The following NECTIN3 variants were observed in gnomAD, a reference collection of about 807,000 sequenced individuals.
NECTIN3 encodes the protein nectin cell adhesion molecule 3.
In NECTIN3, 8 loss-of-function variants were observed where a neutral mutation model predicts 49.4. That is an observed-to-expected ratio of 0.16 (90% CI 0.10 to 0.29). NECTIN3 has a LOEUF of 0.29. Among genes scored for constraint, NECTIN3 ranks in the 10% least tolerant of loss-of-function variants. The pLI is 1.00. For synonymous variants in NECTIN3, 277 were observed against 241.1 expected (o/e 1.15, Z -1.38); for missense variants, 581 against 654.6 (o/e 0.89, Z 1.23).
At chr3:111,175,717 C>CT (rs1218928447) in intron 7 of NECTIN3, among the ~76,000 whole-genome samples, 14 of 152,208 alleles carry the variant, frequency 9.2e-5, no homozygotes, top group Admixed American at 7.8e-4. Flanking sequence ...TGTGTTTTAA[C>CT]TAACTTCCTG....
intron 7 of NECTIN3, among the ~76,000 whole-genome samples, chr3:111,172,374 T>C (rs900004671): frequency 6.6e-6 from 1 of 152,186 alleles, no homozygotes; most frequent in African/African-American, 2.4e-5. Flanking sequence ...TAAACATGTT[T>C]AGATCTTGGA....
At chr3:111,072,486 C>T (rs1301995921) in intron 1 of NECTIN3, 1 of 1,535,824 alleles carries the variant, frequency 6.5e-7, no homozygotes, top group Non-Finnish European at 8.7e-7. Context: ...ACCGTTACTT[C>T]CTCGCTCATT....
Position 111,169,235 on chromosome 3 carries a change from G to A in NECTIN3, c.1221+21751G>A, listed in dbSNP as rs570532617. ...CTCCCGAGTAGCTGGGACTACAGGCGCCTGCCACCACGCCTGGCTAATTTT... is the reference window on the plus strand; with the variant it reads ...CTCCCGAGTAGCTGGGACTACAGGCACCTGCCACCACGCCTGGCTAATTTT... On this transcript the variant is annotated intron_variant, in intron 7 of 8. Transcript: ENST00000493615. 3.2e-3 allele frequency among the ~76,000 whole-genome samples: 487 copies of A among 151,532 alleles called. 3 individuals are homozygous for A. The highest frequency in any genetic ancestry group is 0.011 in the African/African-American group (455 of 41,378).
Position 111,137,552 on chromosome 3 carries a change from T to G in NECTIN3, c.*3337T>G. 2 of 938,440 alleles carry G rather than the reference T, an allele frequency of 2.1e-6. No individual in the cohort carries two copies. The highest frequency in any genetic ancestry group is 2.5e-6 in the Non-Finnish European group (2 of 789,616). 58.1% of individuals were successfully genotyped at this position (938,440 alleles called of 1,614,324 possible). On this transcript the variant is annotated 3_prime_UTR_variant, in exon 6 of 6. Coordinates refer to ENST00000485303, the MANE Select transcript of NECTIN3 (RefSeq NM_015480.3). Reference sequence around the variant, plus strand: ...TTTAAATAAAAGTTAAAAAAGTTCTTTAGAGGCATATTTCTGTAATAAGTT... The same window carrying G: ...TTTAAATAAAAGTTAAAAAAGTTCTGTAGAGGCATATTTCTGTAATAAGTT...
intron 7 of NECTIN3, among the ~76,000 whole-genome samples, chr3:111,151,902 C>G (rs1436058895): frequency 6.6e-6 from 1 of 151,666 alleles, no homozygotes; most frequent in East Asian, 1.9e-4. Context: ...CAGATAACCA[C>G]TTTTATTAAT....
chr3:111,173,060 C>T (rs777622470), intron 7 of NECTIN3, among the ~76,000 whole-genome samples: 2 of 152,324 alleles, frequency 1.3e-5, no homozygotes, highest in Admixed American at 6.5e-5. Context: ...AAGTAAACAA[C>T]TGTGCCTTTT....
At chr3:111,085,370 G>A (rs557451845) in intron 1 of NECTIN3, among the ~76,000 whole-genome samples, 6 of 152,274 alleles carry the variant, frequency 3.9e-5, no homozygotes, top group Middle Eastern at 6.8e-3. Context: ...AGGATGTGAG[G>A]TATGAGGTGG....
At chr3:111,122,325 C>T in intron 4 of NECTIN3, 87 bp downstream of exon 4, 1 of 986,668 alleles carries the variant, frequency 1.0e-6, no homozygotes, top group Non-Finnish European at 1.5e-6. Flanking sequence ...CTGTATAATA[C>T]ATGATTATAG....
At chr3:111,095,112 T>C (rs1329130791) in intron 1 of NECTIN3, among the ~76,000 whole-genome samples, 1 of 152,188 alleles carries the variant, frequency 6.6e-6, no homozygotes, top group Non-Finnish European at 1.5e-5. Flanking sequence ...TAGTGGAACA[T>C]AGGGTTCTCA....
At chr3:111,118,101 T>A (rs1230719300) in intron 2 of NECTIN3, among the ~76,000 whole-genome samples, 2 of 151,558 alleles carry the variant, frequency 1.3e-5, no homozygotes, top group African/African-American at 4.8e-5. Context: ...AATTATTGAG[T>A]CACTTACTGG....
intron 7 of NECTIN3, among the ~76,000 whole-genome samples, chr3:111,174,573 G>T (rs72937960): frequency 0.042 from 6,424 of 152,126 alleles, 192 homozygotes; most frequent in East Asian, 0.074. Context: ...TAGTGATTTA[G>T]CCATTTAATA....
chr3:111,077,381 A>AAT (rs1180298889), intron 1 of NECTIN3: 1 of 264,308 alleles, frequency 3.8e-6, no homozygotes, highest in Non-Finnish European at 7.7e-6. Context: ...CTTGTTCTTA[A>AAT]ATAGGTTGGC....
chr3:111,123,280 A>T (rs537014547), intron 4 of NECTIN3, among the ~76,000 whole-genome samples: 5 of 152,004 alleles, frequency 3.3e-5, no homozygotes, highest in African/African-American at 4.8e-5. Context: ...TTCCCCAGAT[A>T]GTTTTTTTCT....
chr3:111,141,553 T>C (rs1183494116), downstream of NECTIN3, among the ~76,000 whole-genome samples: 1 of 152,000 alleles, frequency 6.6e-6, no homozygotes, highest in Non-Finnish European at 1.5e-5. Flanking sequence ...AGTTGATAAC[T>C]AGTTGATTTT....
chr3:111,111,480 T>A lies in NECTIN3; in HGVS notation c.161-550T>A, dbSNP rs138773351. ...CAAAAGAAGATACTTCAGTATTATA[T>A]TTGGTTTGGGAGATCCTACATGCAT... On this transcript the variant is annotated intron_variant, in intron 1 of 5. Coordinates refer to ENST00000485303, the MANE Select transcript of NECTIN3 (RefSeq NM_015480.3). Among the ~76,000 whole-genome samples, 348 of 152,324 alleles carry A rather than the reference T, an allele frequency of 2.3e-3. 2 individuals carry two copies. The highest frequency in any genetic ancestry group is 7.8e-3 in the African/African-American group (325 of 41,576).
At chr3:111,087,137 T>C (rs947245442) in intron 1 of NECTIN3, among the ~76,000 whole-genome samples, 5 of 152,172 alleles carry the variant, frequency 3.3e-5, no homozygotes, top group Non-Finnish European at 7.3e-5. Flanking sequence ...TTGTGGAATC[T>C]TTTGAATTTT....
In NECTIN3 at chr3:111,071,875, T is replaced by A. The variant is rs1170025571; in HGVS notation, c.-143T>A. 2 of 478,802 alleles carry A rather than the reference T, an allele frequency of 4.2e-6. No homozygotes were observed. The highest frequency in any genetic ancestry group is 7.6e-5 in the East Asian group (2 of 26,182). 29.7% of individuals were successfully genotyped at this position (478,802 alleles called of 1,614,324 possible). The stretch of plus-strand genomic sequence containing the variant: ...AGGCAGCCGCCAGCGTTCGGCCAAG[T>A]GTCAGCCGGCAGCGACGGCGCTAGA... On this transcript the variant is annotated 5_prime_UTR_variant, in exon 1 of 6. Coordinates refer to ENST00000485303, the MANE Select transcript of NECTIN3 (RefSeq NM_015480.3).
chr3:111,129,628 C>T (rs920498755), intron 5 of NECTIN3, among the ~76,000 whole-genome samples: 2 of 151,684 alleles, frequency 1.3e-5, no homozygotes, highest in African/African-American at 2.4e-5. Flanking sequence ...TCAGCACTTT[C>T]GAAGAAGTGG....
At chr3:111,100,988 C>G (rs933514608) in intron 1 of NECTIN3, among the ~76,000 whole-genome samples, 4 of 152,076 alleles carry the variant, frequency 2.6e-5, no homozygotes, top group African/African-American at 7.2e-5. Context: ...TCATTTTGTG[C>G]TCAACATGAG....
Sources: allele counts gnomAD v4.1 joint callset (sites outside exome capture counted in the v4.1 genomes callset), GRCh38; gene constraint gnomAD v4.1.1; transcripts MANE v1.5; gene names NCBI Gene and HGNC (gene_info 2026-07-23, HGNC 2026-07-21).